ZNF365: variants seen among roughly 807,000 people sequenced by gnomAD.
ZNF365 encodes the protein zinc finger protein 365, also known as protein ZNF365.
In ZNF365, 22 loss-of-function variants were observed where a neutral mutation model predicts 35.0. The observed-to-expected ratio is 0.63, with a 90% confidence interval of 0.45 to 0.90. The LOEUF (loss-of-function observed/expected upper bound fraction) is 0.90. Among genes scored for constraint, ZNF365 ranks in the 40% least tolerant of loss-of-function variants. The pLI, the probability that ZNF365 is intolerant of heterozygous loss-of-function variation, is 0.00. For synonymous variants in ZNF365, 188 were observed against 196.2 expected (o/e 0.96, Z 0.35); for missense variants, 448 against 500.3 (o/e 0.90, Z 1.00).
At chr10:62,439,577 G>A (rs1589454493) in intron 3 of ZNF365, among the ~76,000 whole-genome samples, 1 of 152,268 alleles carries the variant, frequency 6.6e-6, no homozygotes, top group Non-Finnish European at 1.5e-5. Flanking sequence ...TCTAATAGCT[G>A]TGGCTCTTCC....
chr10:62,394,998 G>A (rs1157861703), intron 3 of ZNF365, among the ~76,000 whole-genome samples: 1 of 152,140 alleles, frequency 6.6e-6, no homozygotes. Flanking sequence ...GCTCAGGTAT[G>A]CAAGCAAGAG....
chr10:62,436,894 G>A (rs1046417548), intron 3 of ZNF365, among the ~76,000 whole-genome samples: 9 of 152,076 alleles, frequency 5.9e-5, no homozygotes, highest in African/African-American at 1.4e-4. Flanking sequence ...TCAATGCACC[G>A]TAAACAACGA....
chr10:62,433,309 C>T (rs1285382402), intron 3 of ZNF365, among the ~76,000 whole-genome samples: 1 of 152,144 alleles, frequency 6.6e-6, no homozygotes, highest in Non-Finnish European at 1.5e-5. Context: ...CTTTGGCCAT[C>T]GAGGCGGGCT....
At chr10:62,426,471 T>C (rs991039758) in intron 3 of ZNF365, among the ~76,000 whole-genome samples, 3 of 152,108 alleles carry the variant, frequency 2.0e-5, no homozygotes, top group African/African-American at 7.2e-5. Flanking sequence ...TCCTTTGTAG[T>C]TGTTCTGTGT....
chr10:62,426,504 A>G (rs1564584974), intron 3 of ZNF365, among the ~76,000 whole-genome samples: 1 of 152,076 alleles, frequency 6.6e-6, no homozygotes, highest in Non-Finnish European at 1.5e-5. Context: ...TGGTGCAGCT[A>G]CAGGAGAGGC....
At chr10:62,415,398 A>G (rs1168959884) in intron 3 of ZNF365, among the ~76,000 whole-genome samples, 1 of 152,116 alleles carries the variant, frequency 6.6e-6, no homozygotes, top group Non-Finnish European at 1.5e-5. Context: ...TAGTTTTGGT[A>G]AGACTCAGTC....
intron 3 of ZNF365, among the ~76,000 whole-genome samples, chr10:62,458,760 G>A (rs1223570172): frequency 5.9e-5 from 9 of 152,156 alleles, no homozygotes; most frequent in Admixed American, 5.9e-4. Flanking sequence ...AAACTTCAGA[G>A]ATGATACGAT....
chr10:62,451,465 G>A (rs1049776892), intron 3 of ZNF365, among the ~76,000 whole-genome samples: 1 of 152,050 alleles, frequency 6.6e-6, no homozygotes, highest in Non-Finnish European at 1.5e-5. Context: ...TGAGGGTTAG[G>A]GCTGGTGGTA....
At chr10:62,396,980 G>A (rs1043850366) in intron 3 of ZNF365, among the ~76,000 whole-genome samples, 3 of 152,208 alleles carry the variant, frequency 2.0e-5, no homozygotes, top group African/African-American at 7.2e-5. Flanking sequence ...CACTGAAGGA[G>A]CCCAGCTGAG....
chr10:62,401,678 A>G lies in ZNF365; in HGVS notation c.*1889A>G. ...TACCATGATTGCACCTTAGCCTTTT[A>G]CATACTAAAAACATGACTTGTTAGT... is the stretch of plus-strand genomic sequence containing the variant. On this transcript the variant is annotated 3_prime_UTR_variant, in exon 5 of 5. Coordinates refer to ENST00000395254, the MANE Select transcript of ZNF365 (RefSeq NM_014951.3). The G allele has an allele frequency of 3.4e-5, 34 of 985,522 alleles. No homozygotes were observed. Among genetic ancestry groups the G allele is most frequent in the Non-Finnish European group, 4.1e-5 (34 of 829,920 alleles). The allele number at this position is 985,522 out of a possible 1,614,324, so 61.0% of individuals were successfully genotyped here. A position where few individuals can be genotyped will look rare whatever the true frequency, so the allele number is the denominator to read the frequency against.
intron 4 of ZNF365, among the ~76,000 whole-genome samples, chr10:62,460,500 GTC>G (rs58975053): frequency 3.3e-5 from 5 of 151,798 alleles, no homozygotes; most frequent in African/African-American, 7.3e-5. Flanking sequence ...TGTCAGCGTG[GTC>G]TCTCTCTCTC....
intron 3 of ZNF365, among the ~76,000 whole-genome samples, chr10:62,448,557 T>C (rs1034466134): frequency 6.6e-6 from 1 of 152,212 alleles, no homozygotes; most frequent in South Asian, 2.1e-4. Context: ...GAGTGTTTTT[T>C]TACTTGCACC....
intron 3 of ZNF365, among the ~76,000 whole-genome samples, chr10:62,433,737 A>G (rs1210297948): frequency 6.6e-6 from 1 of 152,164 alleles, no homozygotes; most frequent in Middle Eastern, 3.2e-3. Context: ...AACACACATT[A>G]TGATTGGAGT....
intron 3 of ZNF365, among the ~76,000 whole-genome samples, chr10:62,427,374 G>T (rs930310103): frequency 6.6e-6 from 1 of 152,140 alleles, no homozygotes; most frequent in African/African-American, 2.4e-5. Flanking sequence ...TGCTGTACAG[G>T]TTTGCAGCAT....
At chr10:62,463,661 T>G (rs1019221796) in intron 4 of ZNF365, among the ~76,000 whole-genome samples, 2 of 152,230 alleles carry the variant, frequency 1.3e-5, no homozygotes, top group African/African-American at 4.8e-5. Context: ...AGATGGTAAA[T>G]AAATCATAAT....
chr10:62,414,805 A>G (rs1444918668), intron 3 of ZNF365, among the ~76,000 whole-genome samples: 2 of 152,006 alleles, frequency 1.3e-5, no homozygotes, highest in African/African-American at 4.8e-5. Context: ...ATTCTTTCCT[A>G]TCCTTTTGGG....
chr10:62,455,175 T>G (rs1438242105), intron 3 of ZNF365, among the ~76,000 whole-genome samples: 1 of 152,114 alleles, frequency 6.6e-6, no homozygotes, highest in Non-Finnish European at 1.5e-5. Context: ...ATAAATGTTG[T>G]GCTGTGGAAG....
chr10:62,440,386 G>C (rs562630437), intron 3 of ZNF365, among the ~76,000 whole-genome samples: 23 of 73,666 alleles, frequency 3.1e-4, no homozygotes, highest in Non-Finnish European at 6.0e-4. Context: ...TATCTTTTCT[G>C]CTCCTCCCTC....
Position 62,454,787 on chromosome 10 carries a change from A to C in ZNF365, c.925-4954A>C, listed in dbSNP as rs145471952. Among the ~76,000 whole-genome samples the C allele has an allele frequency of 3.0e-3, 453 of 152,322 alleles. 1 individual carries two copies. Among genetic ancestry groups the C allele is most frequent in the African/African-American group, 0.01 (434 of 41,564 alleles). On this transcript the variant is annotated intron_variant, in intron 3 of 4. Coordinates refer to the ZNF365 transcript ENST00000395255. Reference sequence around the variant, plus strand: ...TTCTGGGCTGGACACAGGAAGGCAAAGATGCCACACCCTCAAGGAGCGCAT... The same window carrying C: ...TTCTGGGCTGGACACAGGAAGGCAACGATGCCACACCCTCAAGGAGCGCAT...
Sources: gnomAD v4.1 joint callset for allele counts (sites outside exome capture counted in the v4.1 genomes callset) on GRCh38, gnomAD v4.1.1 for gene constraint, MANE v1.5 for transcripts, NCBI Gene and HGNC (gene_info 2026-07-23, HGNC 2026-07-21) for gene names.